Variants in TFCP2 observed in about 807,000 individuals in gnomAD.
TFCP2 encodes alpha-globin transcription factor CP2.
Under a neutral mutation model 73.4 loss-of-function variants are expected in TFCP2, and 33 were observed. The observed-to-expected ratio is 0.45, with a 90% CI of 0.34 to 0.60. The LOEUF is 0.60. Ranked by LOEUF, TFCP2 falls within the 20% of genes least tolerant of loss-of-function variation. The pLI is 0.01. For synonymous variants in TFCP2, 193 were observed against 211.6 expected, an observed-to-expected ratio of 0.91 and a Z score of 0.76; for missense variants, 352 against 604.0, an observed-to-expected ratio of 0.58 and a Z score of 4.37.
At chr12:51,120,901 C>A in intron 1 of TFCP2, among the ~76,000 whole-genome samples, 1 of 117,106 alleles carries the variant, frequency 8.5e-6, no homozygotes, top group Non-Finnish European at 1.6e-5. Context: ...CATAGCGAGA[C>A]TGTGTCTCAA....
intron 7 of TFCP2, 139 bp from the exon 8 acceptor site, chr12:51,106,752 G>T (rs879264465): frequency 3.0e-6 from 2 of 668,928 alleles, no homozygotes; most frequent in Non-Finnish European, 2.6e-6. Context: ...AGAGAACACT[G>T]CTTCTCTTTC....
chr12:51,107,372 A>C, intron 6 of TFCP2, 26 bp from the exon 7 acceptor site: 1 of 1,586,276 alleles, frequency 6.3e-7, no homozygotes, highest in Middle Eastern at 1.7e-4. Flanking sequence ...TTTTGTTTTA[A>C]ATTCAGGTAC....
chr12:51,120,854 G>A (rs1422140854), intron 1 of TFCP2, among the ~76,000 whole-genome samples: 1 of 146,054 alleles, frequency 6.8e-6, no homozygotes, highest in African/African-American at 2.5e-5. Flanking sequence ...AGAATCACTT[G>A]AGCCGAGATT....
At chr12:51,138,408 C>T (rs1273103284) in intron 1 of TFCP2, among the ~76,000 whole-genome samples, 4 of 152,272 alleles carry the variant, frequency 2.6e-5, no homozygotes, top group South Asian at 2.1e-4. Context: ...CCAACCGCCT[C>T]GGCCTCCCAA....
chr12:51,096,706 A>G (rs1171899596), intron 13 of TFCP2, among the ~76,000 whole-genome samples: 1 of 152,198 alleles, frequency 6.6e-6, no homozygotes, highest in Non-Finnish European at 1.5e-5. Flanking sequence ...CTGGTATATA[A>G]TTCTGAAGTA....
chr12:51,130,672 G>C (rs1297106379), intron 1 of TFCP2, among the ~76,000 whole-genome samples: 1 of 151,864 alleles, frequency 6.6e-6, no homozygotes. Flanking sequence ...AAACTAACTG[G>C]CTTATAAATC....
chr12:51,144,196 C>T (rs1941244213), intron 1 of TFCP2, among the ~76,000 whole-genome samples: 1 of 152,028 alleles, frequency 6.6e-6, no homozygotes, highest in Admixed American at 6.6e-5. Context: ...CCACACCTGG[C>T]TAATTTTTCA....
intron 1 of TFCP2, among the ~76,000 whole-genome samples, chr12:51,158,009 AT>A (rs947055714): frequency 6.7e-6 from 1 of 149,686 alleles, no homozygotes; most frequent in African/African-American, 2.5e-5. Context: ...TATAATCTTA[AT>A]TTTTTTTTAG....
At chr12:51,149,585 T>A (rs1418090376) in intron 1 of TFCP2, among the ~76,000 whole-genome samples, 1 of 152,138 alleles carries the variant, frequency 6.6e-6, no homozygotes, top group African/African-American at 2.4e-5. Flanking sequence ...ACGTGTTAGA[T>A]AAATTTTTTC....
At chr12:51,099,611 T>C (rs183882529) in intron 12 of TFCP2, 44 bp downstream of exon 12, 1 of 1,602,596 alleles carries the variant, frequency 6.2e-7, no homozygotes, top group East Asian at 2.2e-5. Flanking sequence ...AGTTATCTCT[T>C]CACCTTTCTT....
At chr12:51,150,102 C>T (rs1359078097) in intron 1 of TFCP2, among the ~76,000 whole-genome samples, 1 of 152,110 alleles carries the variant, frequency 6.6e-6, no homozygotes, top group Admixed American at 6.6e-5. Flanking sequence ...TATATTTTTA[C>T]AGCAGTGCCA....
At chr12:51,163,312 G>A (rs1203171560) in intron 1 of TFCP2, among the ~76,000 whole-genome samples, 8 of 152,082 alleles carry the variant, frequency 5.3e-5, no homozygotes, top group East Asian at 1.9e-4. Flanking sequence ...TAATAAGGCC[G>A]GGCGCGGTGG....
chr12:51,115,310 C>T (rs541837619), intron 4 of TFCP2, among the ~76,000 whole-genome samples: 25 of 151,958 alleles, frequency 1.6e-4, no homozygotes, highest in East Asian at 5.9e-4. Flanking sequence ...TGAGTGGAGA[C>T]GGGGTTTCAC....
chr12:51,113,958 C>G (rs1940458730), intron 4 of TFCP2, among the ~76,000 whole-genome samples: 1 of 151,878 alleles, frequency 6.6e-6, no homozygotes, highest in South Asian at 2.1e-4. Flanking sequence ...GGACCTGTGA[C>G]CTGAATATAA....
intron 1 of TFCP2, among the ~76,000 whole-genome samples, chr12:51,134,017 CA>C (rs1391773748): frequency 1.3e-5 from 2 of 149,442 alleles, no homozygotes; most frequent in Non-Finnish European, 3.0e-5. Flanking sequence ...AGAAAACAAA[CA>C]AAAAATGTCT....
In TFCP2 at chr12:51,109,148, C is replaced by T. The variant is rs779146893; in HGVS notation, c.690G>A (p.Ser230=). The T allele has an allele frequency of 3.1e-6, 5 of 1,613,998 alleles. No individual in the cohort carries two copies. In the South Asian group the frequency reaches 3.3e-5, roughly 11 times the overall value. ...TGAAAACTTTGATCTGGCAGCTGGC[C>T]GAGTGTAAGTGCTCAGTATATTCCC... The part of the protein sequence containing the change: ...ENGEYTEHLH[S]ASCQIKVFKP... The change falls in exon 6 of 15, where the codon TCG becomes TCA. Residue 230 remains serine, a synonymous_variant. Coordinates refer to ENST00000257915, the MANE Select transcript of TFCP2 (RefSeq NM_005653.5).
In TFCP2 at chr12:51,095,206, G is replaced by A. The variant is rs920004072; in HGVS notation, c.*35C>T. The A allele has an allele frequency of 8.7e-6, 14 of 1,612,510 alleles. No individual in the cohort carries two copies. The highest frequency in any genetic ancestry group is 1.1e-5 in the Non-Finnish European group (13 of 1,178,568). ...AAGAGGGCCGTTTTCAGAGGTGAAG[G>A]AAGGAGCAGCCACTGGGCACGAAAC... is the stretch of plus-strand genomic sequence containing the variant. On this transcript the variant is annotated 3_prime_UTR_variant, in exon 15 of 15. Coordinates refer to ENST00000257915, the MANE Select transcript of TFCP2 (RefSeq NM_005653.5).
At chr12:51,131,458 T>C (rs1482874196) in intron 1 of TFCP2, among the ~76,000 whole-genome samples, 1 of 152,146 alleles carries the variant, frequency 6.6e-6, no homozygotes, top group Non-Finnish European at 1.5e-5. Context: ...TTTTTTTCTA[T>C]CATAAACAAT....
intron 4 of TFCP2, among the ~76,000 whole-genome samples, chr12:51,112,304 T>A (rs756887560): frequency 5.9e-5 from 9 of 152,208 alleles, no homozygotes; most frequent in Non-Finnish European, 1.0e-4. Context: ...CATTTCTTTG[T>A]GTTGGGAATG....
Sources: allele counts gnomAD v4.1 joint callset (sites outside exome capture counted in the v4.1 genomes callset), GRCh38; gene constraint gnomAD v4.1.1; transcripts MANE v1.5; gene names NCBI Gene and HGNC (gene_info 2026-07-23, HGNC 2026-07-21).